CCNT2: variants seen among roughly 807,000 people sequenced by gnomAD.
CCNT2 encodes cyclin T2, also known as cyclin-T2.
Under a neutral mutation model 70.0 loss-of-function variants are expected in CCNT2, and 18 were observed. The observed-to-expected ratio is 0.26, with a 90% CI of 0.18 to 0.38. The LOEUF is 0.38. CCNT2 is among the 10% of genes least tolerant of loss of function. The pLI, the probability that CCNT2 is intolerant of heterozygous loss-of-function variation, is 1.00. For synonymous variants in CCNT2, 334 were observed against 313.3 expected (o/e 1.07, Z -0.70); for missense variants, 734 against 890.2 (o/e 0.82, Z 2.23).
chr2:134,926,280 C>T (rs2105019985), intron 2 of CCNT2, among the ~76,000 whole-genome samples: 1 of 152,232 alleles, frequency 6.6e-6, no homozygotes, highest in East Asian at 1.9e-4. Context: ...AGGTGATGTA[C>T]CTTCAGAGTG....
chr2:134,948,720 CTT>C (rs11385900), intron 7 of CCNT2, among the ~76,000 whole-genome samples: 4 of 143,150 alleles, frequency 2.8e-5, no homozygotes, highest in Non-Finnish European at 1.5e-5. Flanking sequence ...ATAGATAACA[CTT>C]TTTTTTTTTT....
rs747330222 is a variant in CCNT2, at chr2:134,919,909, G to A, written c.240+18G>A. The A allele has an allele frequency of 6.4e-7, 1 of 1,563,496 alleles. No homozygotes were observed. The highest frequency in any genetic ancestry group is 8.8e-7 in the Non-Finnish European group (1 of 1,139,770). On this transcript the variant is annotated intron_variant, in intron 2 of 8. Coordinates refer to ENST00000264157, the MANE Select transcript of CCNT2 (RefSeq NM_058241.3). Reference sequence around the variant, plus strand: ...ACAAAAATGTAAGTACTAGTTGTCTGTTTTTACTGTCCGCAAATTTGAGGG... The same window carrying A: ...ACAAAAATGTAAGTACTAGTTGTCTATTTTTACTGTCCGCAAATTTGAGGG...
At chr2:134,945,052 AT>A (rs1681852491) in intron 5 of CCNT2, 1 of 985,192 alleles carries the variant, frequency 1.0e-6, no homozygotes, top group Admixed American at 6.2e-5. Flanking sequence ...CACTTCTGTG[AT>A]TTCTCCTTCC....
chr2:134,945,213 A>C, intron 5 of CCNT2: 1 of 985,386 alleles, frequency 1.0e-6, no homozygotes, highest in Non-Finnish European at 1.2e-6. Flanking sequence ...GCCATGAATA[A>C]AAAATAGGGG....
Position 134,957,680 on chromosome 2 carries a change from G to A in CCNT2, c.*3032G>A, listed in dbSNP as rs1478905049. On this transcript the variant is annotated 3_prime_UTR_variant, in exon 9 of 9. Transcript: ENST00000264157. Reference sequence around the variant, plus strand: ...GGTAAAACCTCACAGTTTCCTAATTGCAGGTATGTAAATACCAAAAAAGTC... The same window carrying A: ...GGTAAAACCTCACAGTTTCCTAATTACAGGTATGTAAATACCAAAAAAGTC... 1 of 152,134 alleles carries A rather than the reference G, an allele frequency of 6.6e-6. No individual in the cohort carries two copies. Among genetic ancestry groups the A allele is most frequent in the African/African-American group, 2.4e-5 (1 of 41,434 alleles). The allele number at this position is 152,134 out of a possible 1,614,324, so 9.4% of individuals were successfully genotyped here.
intron 5 of CCNT2, chr2:134,944,963 T>C (rs985499283): frequency 2.6e-4 from 259 of 985,330 alleles, no homozygotes; most frequent in Non-Finnish European, 2.7e-4. Context: ...TGAAGTCTTT[T>C]TCTCCCCTCT....
chr2:134,953,460 A>G lies in CCNT2; in HGVS notation c.1005A>G (p.Ala335=). 6.2e-7 allele frequency: 1 copy of G among 1,614,052 alleles called. No homozygotes were observed. Among genetic ancestry groups the G allele is most frequent in the Non-Finnish European group, 8.5e-7 (1 of 1,179,908 alleles). ...CATCTGATAATTTGTCAATGCTAGC[A>G]ACAGGAATGCCAAGTACTTCATACG... is the stretch of plus-strand genomic sequence containing the variant. ...SHTSDNLSML[A]TGMPSTSYGL... The change falls in exon 9 of 9, where the codon GCA becomes GCG. Residue 335 remains alanine (A), a synonymous_variant. Transcript: ENST00000264157.
At chr2:134,934,926 A>G (rs990197067) in intron 2 of CCNT2, among the ~76,000 whole-genome samples, 27 of 152,244 alleles carry the variant, frequency 1.8e-4, no homozygotes, top group Non-Finnish European at 3.2e-4. Flanking sequence ...AATAATGACA[A>G]TAAATGAGAG....
At chr2:134,921,511 T>C (rs1201535135) in intron 2 of CCNT2, among the ~76,000 whole-genome samples, 2 of 152,038 alleles carry the variant, frequency 1.3e-5, no homozygotes, top group Admixed American at 6.6e-5. Flanking sequence ...GTGCCACCAC[T>C]CCCGGCTAAT....
intron 8 of CCNT2, 143 bp from the exon 9 acceptor site, chr2:134,953,085 GAC>G: frequency 1.7e-6 from 1 of 585,916 alleles, no homozygotes; most frequent in Non-Finnish European, 2.9e-6. Flanking sequence ...TTTATTTACT[GAC>G]AACATAAAAT....
chr2:134,953,741 T>A lies in CCNT2; in HGVS notation c.1286T>A (p.Ile429Lys). The A allele has an allele frequency of 6.2e-7, 1 of 1,614,098 alleles. No homozygotes were observed. The highest frequency in any genetic ancestry group is 2.2e-5 in the East Asian group (1 of 44,886). Residue 429 changes from isoleucine to lysine, a missense_variant, in exon 9 of 9, where the codon ATA (isoleucine) becomes AAA (lysine). Coordinates refer to ENST00000264157, the MANE Select transcript of CCNT2 (RefSeq NM_058241.3). Reference sequence around the variant, plus strand: ...GGGCCAATTTCCACTACTCCAGGAATAATTCCTCAGAAAATGTCTTTAGAT... The same window carrying A: ...GGGCCAATTTCCACTACTCCAGGAAAAATTCCTCAGAAAATGTCTTTAGAT... ...HHGPISTTPGIIPQKMSLDKY... is the reference protein window; with the variant it reads ...HHGPISTTPGKIPQKMSLDKY...
rs1012962624 is a variant in CCNT2, at chr2:134,959,016, G to A, written c.*4368G>A. On this transcript the variant is annotated 3_prime_UTR_variant, in exon 9 of 9. Transcript: ENST00000264157. ...TTGGGGCGGAAACTCAAAATCCCGA[G>A]CATTGCCACTTTAGTAGTTTGTTTG... 2.6e-5 allele frequency: 4 copies of A among 152,026 alleles called. No individual in the cohort carries two copies. Among genetic ancestry groups the A allele is most frequent in the African/African-American group, 9.7e-5 (4 of 41,392 alleles). 9.4% of individuals were successfully genotyped at this position (152,026 alleles called of 1,614,324 possible). A position where few individuals can be genotyped will look rare whatever the true frequency, so the allele number is the denominator to read the frequency against.
In CCNT2 at chr2:134,956,142, T is replaced by C. The variant is rs1407497554; in HGVS notation, c.*1494T>C. Reference sequence around the variant, plus strand: ...GAGATTGATTGGATTCGACCTCTTGTTGAACTGAAAACTTAATTTTTTCTC... The same window carrying C: ...GAGATTGATTGGATTCGACCTCTTGCTGAACTGAAAACTTAATTTTTTCTC... On this transcript the variant is annotated 3_prime_UTR_variant, in exon 9 of 9. Transcript: ENST00000264157. 6.5e-6 allele frequency: 1 copy of C among 152,678 alleles called. No homozygotes were observed. Among genetic ancestry groups the C allele is most frequent in the Non-Finnish European group, 1.5e-5 (1 of 68,032 alleles). The allele number at this position is 152,678 out of a possible 1,614,324, so 9.5% of individuals were successfully genotyped here.
At position 134,955,282 on chromosome 2, in the gene CCNT2, C is replaced by T. The variant is rs924222505; in HGVS notation, c.*634C>T. 2 of 153,224 alleles carry T rather than the reference C, an allele frequency of 1.3e-5. No homozygotes were observed. The highest frequency in any genetic ancestry group is 2.9e-5 in the Non-Finnish European group (2 of 68,492). 9.5% of individuals were successfully genotyped at this position (153,224 alleles called of 1,614,324 possible). On this transcript the variant is annotated 3_prime_UTR_variant, in exon 9 of 9. Transcript: ENST00000264157. ...CACTTTTTTATGTTAACCTTAAACT[C>T]TAGGCCTTACTGGAAGCCACTGATA...
intron 6 of CCNT2, 125 bp from the exon 7 acceptor site, chr2:134,947,611 G>T: frequency 1.8e-6 from 1 of 547,046 alleles, no homozygotes; most frequent in East Asian, 3.4e-5. Context: ...AATAAAATAA[G>T]GTTTTATACT....
In CCNT2 at chr2:134,931,262, CTTTTT is replaced by C. The variant is rs112471982; in HGVS notation, c.241-5558_241-5554del. On this transcript the variant is annotated intron_variant, in intron 2 of 8. Coordinates refer to ENST00000264157, the MANE Select transcript of CCNT2 (RefSeq NM_058241.3). ...CAGGCATAAGCCACCATGCCCGGAT[CTTTTT>C]TTTTTTTTTTTTTTTTTTTTGGTAT... Among the ~76,000 whole-genome samples the C allele has an allele frequency of 9.9e-4, 42 of 42,426 alleles. 1 individual carries two copies. Among genetic ancestry groups the C allele is most frequent in the East Asian group, 3.8e-3 (2 of 532 alleles). The allele number at this position is 42,426 out of a possible 152,430, so 27.8% of individuals were successfully genotyped here.
intron 3 of CCNT2, 77 bp downstream of exon 3, chr2:134,937,046 C>G: frequency 9.8e-7 from 1 of 1,020,630 alleles, no homozygotes; most frequent in Admixed American, 2.2e-5. Flanking sequence ...CAAAAATACA[C>G]AGTTCAATTA....
intron 2 of CCNT2, among the ~76,000 whole-genome samples, chr2:134,928,911 C>T (rs565649363): frequency 6.6e-6 from 1 of 152,170 alleles, no homozygotes; most frequent in African/African-American, 2.4e-5. Flanking sequence ...ATTTCCACAC[C>T]CCCACCCCAA....
intron 7 of CCNT2, among the ~76,000 whole-genome samples, chr2:134,949,017 G>C (rs1457591643): frequency 2.6e-5 from 4 of 151,098 alleles, no homozygotes; most frequent in Non-Finnish European, 4.4e-5. Context: ...GCCTGGCCTT[G>C]TTTTGTGTTG....
Sources: gnomAD v4.1 joint callset for allele counts (sites outside exome capture counted in the v4.1 genomes callset) on GRCh38, gnomAD v4.1.1 for gene constraint, MANE v1.5 for transcripts, NCBI Gene and HGNC (gene_info 2026-07-23, HGNC 2026-07-21) for gene names.